Variants in ZNF701 observed in about 807,000 individuals in gnomAD.
ZNF701 encodes zinc finger protein 701.
In ZNF701, 6 loss-of-function variants were observed where a neutral mutation model predicts 7.1. That is an observed-to-expected ratio of 0.84 (90% confidence interval 0.46 to 1.66). ZNF701 has a LOEUF of 1.66. Ranked by LOEUF, ZNF701 falls within the 40% of genes most tolerant of loss-of-function variation. The pLI, the probability that ZNF701 is intolerant of heterozygous loss-of-function variation, is 0.01. For missense variants in ZNF701, 541 were observed against 559.2 expected, an observed-to-expected ratio of 0.97 and a Z score of 0.33; for synonymous variants, 166 against 188.2, an observed-to-expected ratio of 0.88 and a Z score of 0.97.
the ZNF701 span, chr19:52,595,607 T>C: frequency 9.1e-7 from 1 of 1,099,046 alleles, no homozygotes; most frequent in Non-Finnish European, 1.3e-6. Flanking sequence ...TTGGTCTTTA[T>C]ATTTTTTAGA....
At chr19:52,593,041 A>C in the ZNF701 span, among the ~76,000 whole-genome samples, 2 of 117,370 alleles carry the variant, frequency 1.7e-5, 1 homozygote, top group African/African-American at 6.6e-5. Flanking sequence ...ACCACCCTTA[A>C]TCCATTCAAC....
rs769870228 is a variant in ZNF701, at chr19:52,582,475, A to G, written c.416A>G (p.Glu139Gly). 32 of 1,614,220 alleles carry G rather than the reference A, an allele frequency of 2.0e-5. No homozygotes were observed. The South Asian group carries it at 3.4e-4, about 17-fold the overall frequency. ...GCTGGAAACAAACCTATTAAAAATG[A>G]GCTTGGATCAAGCTTTCATTCGCAT... ...RHAGNKPIKN[E>G]LGSSFHSHLP... Residue 139 changes from glutamate (E) to glycine (G), a missense_variant, in exon 4 of 4, where the codon GAG (glutamate) becomes GGG (glycine). Coordinates refer to ENST00000391785, the MANE Select transcript of ZNF701 (RefSeq NM_018260.3).
chr19:52,583,486 A>G lies in ZNF701; in HGVS notation c.*29A>G. 2 of 1,608,344 alleles carry G rather than the reference A, an allele frequency of 1.2e-6. No individual in the cohort carries two copies. Among genetic ancestry groups the G allele is most frequent in the Non-Finnish European group, 1.7e-6 (2 of 1,176,616 alleles). ...TGTAAATTTGCAAGGTTTTTAGGCA[A>G]CAGTCAAACCTTGCATGTCATCATA... On this transcript the variant is annotated 3_prime_UTR_variant, in exon 4 of 4. Transcript: ENST00000391785.
In ZNF701 at chr19:52,583,567, A is replaced by G; in HGVS notation, c.*110A>G. The G allele has an allele frequency of 1.3e-6, 2 of 1,504,594 alleles. No homozygotes were observed. The highest frequency in any genetic ancestry group is 1.8e-6 in the Non-Finnish European group (2 of 1,082,822). 93.2% of individuals were successfully genotyped at this position (1,504,594 alleles called of 1,614,324 possible). On this transcript the variant is annotated 3_prime_UTR_variant, in exon 4 of 4. Transcript: ENST00000391785. Reference sequence around the variant, plus strand: ...GTGAAGAATGTGACAAAAGTTTTCAATTTCAAATCACTCCTTGAAATACAT... The same window carrying G: ...GTGAAGAATGTGACAAAAGTTTTCAGTTTCAAATCACTCCTTGAAATACAT...
chr19:52,579,520 C>CAAAAAAAAAAAAAAAAAAAAAAAAAAAA (rs34682718), intron 3 of ZNF701, among the ~76,000 whole-genome samples: 1 of 60,194 alleles, frequency 1.7e-5, no homozygotes, highest in Non-Finnish European at 2.7e-5. Flanking sequence ...AACTCTGTCT[C>CAAAAAAAAAAAAAAAAAAAAAAAAAAAA]AAAAAAAAAA....
intron 1 of ZNF701, 107 bp from the exon 2 acceptor site, chr19:52,573,970 A>G: frequency 1.7e-6 from 2 of 1,155,888 alleles, no homozygotes; most frequent in African/African-American, 1.5e-5. Context: ...TGGGCAGCAG[A>G]GGTGACCATA....
rs778277334 is a variant in ZNF701, at chr19:52,583,105, C to G, written c.1046C>G (p.Thr349Ser). Residue 349 changes from threonine to serine, a missense_variant, in exon 4 of 4, where the codon ACT (threonine) becomes AGT (serine). Transcript: ENST00000391785. ...SHLERHRRIH[T>S]GEKPYKCKVC... Reference sequence around the variant, plus strand: ...CTTGAAAGACATAGGAGAATTCACACTGGAGAGAAACCATACAAATGTAAG... The same window carrying G: ...CTTGAAAGACATAGGAGAATTCACAGTGGAGAGAAACCATACAAATGTAAG... 5.0e-6 allele frequency: 8 copies of G among 1,613,752 alleles called. No homozygotes were observed. The highest frequency in any genetic ancestry group is 6.8e-6 in the Non-Finnish European group (8 of 1,179,836).
At chr19:52,590,686 A>G (rs2060033564), downstream of ZNF701, among the ~76,000 whole-genome samples, 1 of 152,020 alleles carries the variant, frequency 6.6e-6, no homozygotes, top group Non-Finnish European at 1.5e-5. Context: ...TCTGCTCTCC[A>G]GGCTCAAGCG....
At position 52,582,836 on chromosome 19, in the gene ZNF701, A is replaced by C; in HGVS notation, c.777A>C (p.Ala259=). The C allele has an allele frequency of 1.2e-6, 2 of 1,614,214 alleles. No individual in the cohort carries two copies. Among genetic ancestry groups the C allele is most frequent in the Non-Finnish European group, 8.5e-7 (1 of 1,180,022 alleles). ...ACTTTCATCAGAAGCGATACCTTGC[A>C]TGCCATAGATGTCACACTGGTGAGA... ...GKDFHQKRYL[A]CHRCHTGENP... Residue 259 remains alanine (A), a synonymous_variant, in exon 4 of 4, where the codon GCA becomes GCC. Coordinates refer to ENST00000391785, the MANE Select transcript of ZNF701 (RefSeq NM_018260.3).
chr19:52,571,348 G>A (rs895156076), intron 1 of ZNF701, among the ~76,000 whole-genome samples: 3 of 152,000 alleles, frequency 2.0e-5, no homozygotes, highest in Admixed American at 2.0e-4. Context: ...CTGGGGATCT[G>A]GGGTGCTAGA....
chr19:52,595,944 A>C, the ZNF701 span: 5 of 1,612,424 alleles, frequency 3.1e-6, no homozygotes, highest in African/African-American at 6.7e-5. Context: ...TTTCAGACCC[A>C]AGGGAAAATT....
In ZNF701 at chr19:52,582,289, A is replaced by T. The variant is rs746238259; in HGVS notation, c.230A>T (p.His77Leu). 5.9e-5 allele frequency: 96 copies of T among 1,613,732 alleles called. No individual in the cohort carries two copies. The highest frequency in any genetic ancestry group is 7.3e-5 in the Non-Finnish European group (86 of 1,179,846). ...EVVHTGTLQIHASHHIGDTCF... is the reference protein window; with the variant it reads ...EVVHTGTLQILASHHIGDTCF... ...GTCCACACAGGGACATTGCAAATAC[A>T]TGCAAGTCATCACATTGGAGATACT... The change falls in exon 4 of 4, where the codon CAT (histidine) becomes CTT (leucine). Residue 77 changes from histidine to leucine, a missense_variant. Coordinates refer to ENST00000391785, the MANE Select transcript of ZNF701 (RefSeq NM_018260.3).
At chr19:52,597,655 GC>G in the ZNF701 span, 4 of 338,028 alleles carry the variant, frequency 1.2e-5, no homozygotes, top group Non-Finnish European at 1.7e-5. Flanking sequence ...TGTGTAGGTG[GC>G]CGTTGGGGTG....
rs1036744501 is a variant in ZNF701, at chr19:52,577,235, G to A, written c.142+1214G>A. Among the ~76,000 whole-genome samples, 53 of 152,088 alleles carry A rather than the reference G, an allele frequency of 3.5e-4. 1 individual carries two copies. The highest frequency in any genetic ancestry group is 9.9e-4 in the African/African-American group (41 of 41,428). Reference sequence around the variant, plus strand: ...GTGTCCCAGCTTCCTGAGTAGCTGGGACTGTAGGCGCTCACCACCATGCCC... The same window carrying A: ...GTGTCCCAGCTTCCTGAGTAGCTGGAACTGTAGGCGCTCACCACCATGCCC... On this transcript the variant is annotated intron_variant, in intron 3 of 3. Coordinates refer to ENST00000391785, the MANE Select transcript of ZNF701 (RefSeq NM_018260.3).
At chr19:52,595,171 A>G in the ZNF701 span, among the ~76,000 whole-genome samples, 7 of 152,266 alleles carry the variant, frequency 4.6e-5, no homozygotes, top group South Asian at 1.2e-3. Flanking sequence ...TAGTAGAGAT[A>G]AGGTGTTCTT....
At chr19:52,576,921 G>A (rs931211281) in intron 3 of ZNF701, among the ~76,000 whole-genome samples, 28 of 152,308 alleles carry the variant, frequency 1.8e-4, no homozygotes, top group African/African-American at 6.3e-4. Flanking sequence ...GGGTGGGAAT[G>A]TATTATAGGT....
At chr19:52,588,149 CCT>C (rs2060022430), downstream of ZNF701, among the ~76,000 whole-genome samples, 1 of 152,006 alleles carries the variant, frequency 6.6e-6, no homozygotes, top group African/African-American at 2.4e-5. Context: ...TGAGGTCTCC[CCT>C]GTGTGTGTGT....
downstream of ZNF701, among the ~76,000 whole-genome samples, chr19:52,589,907 C>T (rs1025758598): frequency 3.9e-5 from 6 of 151,974 alleles, no homozygotes; most frequent in East Asian, 1.2e-3. Flanking sequence ...GATTCTCTTA[C>T]CTCAGCTTCA....
At chr19:52,579,782 G>A (rs1011442201) in intron 3 of ZNF701, among the ~76,000 whole-genome samples, 11 of 139,446 alleles carry the variant, frequency 7.9e-5, no homozygotes, top group Admixed American at 7.6e-4. Context: ...GCTGAGGCAC[G>A]AGAGTTGCTT....
Sources: allele counts gnomAD v4.1 joint callset (sites outside exome capture counted in the v4.1 genomes callset), GRCh38; gene constraint gnomAD v4.1.1; transcripts MANE v1.5; gene names NCBI Gene and HGNC (gene_info 2026-07-23, HGNC 2026-07-21).